Variants in RAB3C observed in about 807,000 individuals in gnomAD.
The protein encoded by RAB3C is ras-related protein Rab-3C.
Under a neutral mutation model 26.4 loss-of-function variants are expected in RAB3C, and 17 were observed. That is an observed-to-expected ratio of 0.64 (90% CI 0.44 to 0.97). RAB3C has a LOEUF of 0.97. Ranked by LOEUF, RAB3C falls within the 50% of genes least tolerant of loss-of-function variation. The pLI is 0.00. For missense variants in RAB3C, 242 were observed against 281.9 expected (o/e 0.86, Z 1.01); for synonymous variants, 91 against 95.9 (o/e 0.95, Z 0.30).
chr5:58,756,258 G>T (rs28505882), intron 3 of RAB3C, among the ~76,000 whole-genome samples: 1,569 of 102,902 alleles, frequency 0.015, no homozygotes, highest in South Asian at 0.019. Context: ...GGCCCTTTAC[G>T]CCAAACATCA....
intron 2 of RAB3C, among the ~76,000 whole-genome samples, chr5:58,718,937 A>G (rs566506947): frequency 6.6e-6 from 1 of 152,162 alleles, no homozygotes; most frequent in South Asian, 2.1e-4. Flanking sequence ...TTTTCTTACT[A>G]TTTTTAAAAG....
chr5:58,609,661 A>G (rs151337494), intron 1 of RAB3C, among the ~76,000 whole-genome samples: 45 of 152,334 alleles, frequency 3.0e-4, no homozygotes, highest in African/African-American at 1.1e-3. Flanking sequence ...GAATGCCTTT[A>G]TACCTTTAAA....
chr5:58,749,778 A>G (rs1272704427), intron 3 of RAB3C, among the ~76,000 whole-genome samples: 1 of 152,146 alleles, frequency 6.6e-6, no homozygotes, highest in African/African-American at 2.4e-5. Flanking sequence ...CTTTGTTATT[A>G]ATTTTTTTGT....
intron 2 of RAB3C, among the ~76,000 whole-genome samples, chr5:58,619,439 A>C (rs1320282217): frequency 6.6e-6 from 1 of 152,146 alleles, no homozygotes. Context: ...TATATGATAC[A>C]TTTCGTATTA....
At chr5:58,640,132 C>A (rs1024092514) in intron 2 of RAB3C, among the ~76,000 whole-genome samples, 2 of 152,190 alleles carry the variant, frequency 1.3e-5, no homozygotes, top group African/African-American at 2.4e-5. Context: ...CTTTCCCAGC[C>A]TCTCTCCAAC....
chr5:58,724,954 T>C (rs1380698122), intron 2 of RAB3C, among the ~76,000 whole-genome samples: 5 of 151,974 alleles, frequency 3.3e-5, no homozygotes, highest in Admixed American at 6.6e-5. Flanking sequence ...TTGGGCTTCA[T>C]ACTAGAGTTA....
At chr5:58,760,079 C>T (rs567784017) in intron 3 of RAB3C, among the ~76,000 whole-genome samples, 47 of 152,288 alleles carry the variant, frequency 3.1e-4, no homozygotes, top group Admixed American at 7.8e-4. Context: ...CTCCTAGTTC[C>T]GTCCACCCTT....
At chr5:58,644,771 G>C (rs1189369050) in intron 2 of RAB3C, among the ~76,000 whole-genome samples, 1 of 152,118 alleles carries the variant, frequency 6.6e-6, no homozygotes, top group East Asian at 1.9e-4. Flanking sequence ...AATATAAAAA[G>C]AAAGCGTTAC....
At chr5:58,692,816 A>G (rs1748598213) in intron 2 of RAB3C, among the ~76,000 whole-genome samples, 2 of 152,128 alleles carry the variant, frequency 1.3e-5, no homozygotes, top group African/African-American at 4.8e-5. Flanking sequence ...GATTCAAAAT[A>G]TAATTTCTTG....
intron 2 of RAB3C, among the ~76,000 whole-genome samples, chr5:58,686,681 C>T (rs377928): frequency 2.7e-5 from 4 of 147,718 alleles, no homozygotes; most frequent in African/African-American, 9.7e-5. Context: ...CACACACATA[C>T]ACACACACAC....
rs202223123 is a variant in RAB3C at position 58,851,358 on chromosome 5, C to T, written c.*7C>T. On this transcript the variant is annotated 3_prime_UTR_variant, in exon 5 of 5. Transcript: ENST00000282878. The stretch of plus-strand genomic sequence containing the variant: ...GCCCAACTGTGCCTGCTAGTGTCCC[C>T]GTGCACACAGGCAGCTCCAGGGGGC... The T allele has an allele frequency of 8.2e-6, 13 of 1,581,704 alleles. No homozygotes were observed. The highest frequency in any genetic ancestry group is 3.5e-5 in the South Asian group (3 of 84,996).
chr5:58,797,935 G>A (rs1407472669), intron 3 of RAB3C, among the ~76,000 whole-genome samples: 3 of 152,182 alleles, frequency 2.0e-5, no homozygotes, highest in Admixed American at 1.3e-4. Flanking sequence ...AAATAATAGA[G>A]AGCACTTGTC....
intron 3 of RAB3C, among the ~76,000 whole-genome samples, chr5:58,762,656 C>T (rs1741822412): frequency 1.3e-5 from 2 of 152,030 alleles, no homozygotes; most frequent in African/African-American, 4.8e-5. Context: ...GCGCCATTGC[C>T]CTCCAGCCTG....
At chr5:58,726,550 T>C (rs1740895189) in intron 3 of RAB3C, among the ~76,000 whole-genome samples, 1 of 151,950 alleles carries the variant, frequency 6.6e-6, no homozygotes. Context: ...TGTCTTTGAC[T>C]GCCTTAACAC....
chr5:58,826,032 G>A (rs919291066), intron 4 of RAB3C, among the ~76,000 whole-genome samples: 2 of 152,180 alleles, frequency 1.3e-5, no homozygotes, highest in Non-Finnish European at 2.9e-5. Context: ...AGGTCAATGA[G>A]GAGATAAGCT....
chr5:58,659,531 A>T (rs1408664612), intron 2 of RAB3C, among the ~76,000 whole-genome samples: 1 of 152,182 alleles, frequency 6.6e-6, no homozygotes, highest in African/African-American at 2.4e-5. Flanking sequence ...TTGCTTTTCT[A>T]AGTAGCAGAT....
At chr5:58,733,584 A>G (rs1741071612) in intron 3 of RAB3C, among the ~76,000 whole-genome samples, 1 of 152,244 alleles carries the variant, frequency 6.6e-6, no homozygotes, top group Non-Finnish European at 1.5e-5. Context: ...TTTTAAAAAC[A>G]CAGTATTCTG....
In RAB3C at chr5:58,683,107, T is replaced by C. The variant is rs965372624; in HGVS notation, c.253-42895T>C. Among the ~76,000 whole-genome samples, 53 of 152,328 alleles carry C rather than the reference T, an allele frequency of 3.5e-4. 1 individual carries two copies. The highest frequency in any genetic ancestry group is 3.5e-3 in the Admixed American group (53 of 15,298). ...AGGAATTTCTCTCTGTTCTCAGGGC[T>C]AGGAATATGTGATTCTCATGAACAT... is the stretch of plus-strand genomic sequence containing the variant. On this transcript the variant is annotated intron_variant, in intron 2 of 4. Transcript: ENST00000282878.
intron 1 of RAB3C, among the ~76,000 whole-genome samples, chr5:58,612,520 GTATATATATATATATATA>G (rs200928384): frequency 5.1e-5 from 4 of 79,188 alleles, no homozygotes; most frequent in African/African-American, 4.2e-5. Context: ...GTGTGTGTGT[GTATATATATATATATATA>G]TATATATATG....
Sources: allele counts gnomAD v4.1 joint callset (sites outside exome capture counted in the v4.1 genomes callset), GRCh38; gene constraint gnomAD v4.1.1; transcripts MANE v1.5; gene names NCBI Gene and HGNC (gene_info 2026-07-23, HGNC 2026-07-21).